LOX: variants seen among roughly 807,000 people sequenced by gnomAD.
LOX encodes the protein lysyl oxidase.
In LOX, 12 loss-of-function variants were observed where a neutral mutation model predicts 50.5. The ratio of observed to expected loss-of-function variants is 0.24; its 90% CI spans 0.15 to 0.38. The LOEUF is 0.38. Among genes scored for constraint, LOX ranks in the 10% least tolerant of loss-of-function variants. LOX has a pLI of 1.00. For synonymous variants in LOX, 254 were observed against 230.6 expected, an observed-to-expected ratio of 1.10 and a Z score of -0.92; for missense variants, 504 against 563.8, an observed-to-expected ratio of 0.89 and a Z score of 1.07.
Position 122,077,346 on chromosome 5 carries a change from G to A in LOX, c.631+9C>T, listed in dbSNP as rs781699795. The A allele has an allele frequency of 1.5e-5, 25 of 1,613,568 alleles. No individual in the cohort carries two copies. Among genetic ancestry groups the A allele is most frequent in the African/African-American group, 6.7e-5 (5 of 74,950 alleles). ...CACGGGTGCTTCCAGCGGACTTGGG[G>A]GTACTTACCGTACTGGAAGTAGCCA... On this transcript the variant is annotated intron_variant, in intron 1 of 6. Transcript: ENST00000231004. This position sits in a 1 kb window ranked among gnomAD's most constrained non-coding sequence, Gnocchi z 4.9.
At position 122,077,265 on chromosome 5, in the gene LOX, G is replaced by A; in HGVS notation, c.631+90C>T. On this transcript the variant is annotated intron_variant, in intron 1 of 6. Coordinates refer to ENST00000231004, the MANE Select transcript of LOX (RefSeq NM_002317.7). This position sits in a 1 kb window ranked among gnomAD's most constrained non-coding sequence, Gnocchi z 4.9. ...GGAGGGATCGGATCTGCGAGGACCG[G>A]GGCCCGCCGCGCCCAGGCAGCCACG... The A allele has an allele frequency of 6.4e-7, 1 of 1,568,882 alleles. No homozygotes were observed. Among genetic ancestry groups the A allele is most frequent in the Non-Finnish European group, 8.6e-7 (1 of 1,159,098 alleles).
chr5:122,077,638 G>A lies in LOX; in HGVS notation c.348C>T (p.Arg116=). 6.2e-7 allele frequency: 1 copy of A among 1,610,592 alleles called. No homozygotes were observed. The highest frequency in any genetic ancestry group is 8.5e-7 in the Non-Finnish European group (1 of 1,179,394). The part of the protein sequence containing the change: ...TAGSSGVTAG[R]PRPTARHWFQ... ...ACCAGTGACGGGCGGTGGGCCTGGGGCGGCCAGCGGTGACTCCAGATGAGC... is the reference window on the plus strand; with the variant it reads ...ACCAGTGACGGGCGGTGGGCCTGGGACGGCCAGCGGTGACTCCAGATGAGC... The change falls in exon 1 of 7, where the codon CGC becomes CGT. Residue 116 remains arginine, a synonymous_variant. Transcript: ENST00000231004. The surrounding 1 kb of genome is among the most constrained non-coding windows in gnomAD (Gnocchi z 4.9).
chr5:122,075,128 A>C (rs930358622), intron 3 of LOX, among the ~76,000 whole-genome samples: 3 of 152,260 alleles, frequency 2.0e-5, no homozygotes, highest in African/African-American at 7.2e-5. Context: ...CTTTTAAAGA[A>C]ATCCTATCTG....
At position 122,065,780 on chromosome 5, in the gene LOX, G is replaced by C. The variant is rs975156631; in HGVS notation, c.*963C>G. 38 of 152,038 alleles carry C rather than the reference G, an allele frequency of 2.5e-4. No individual in the cohort carries two copies. Among genetic ancestry groups the C allele is most frequent in the African/African-American group, 9.2e-4 (38 of 41,408 alleles). 9.4% of individuals were successfully genotyped at this position (152,038 alleles called of 1,614,324 possible). The stretch of plus-strand genomic sequence containing the variant: ...ATTTTTTTAAGCTATTTGAGAGACA[G>C]TTGTGGTTTGGGGGGGACTTGTTTG... On this transcript the variant is annotated 3_prime_UTR_variant, in exon 7 of 7. Transcript: ENST00000231004.
Position 122,066,683 on chromosome 5 carries a change from T to C in LOX, c.*60A>G. ...CATAAATCCTACTGAAGTTAGTCTATTTTTTCCCACTTCAGAACACCAGGC... is the reference window on the plus strand; with the variant it reads ...CATAAATCCTACTGAAGTTAGTCTACTTTTTCCCACTTCAGAACACCAGGC... On this transcript the variant is annotated 3_prime_UTR_variant, in exon 7 of 7. Transcript: ENST00000231004. The C allele has an allele frequency of 6.9e-7, 1 of 1,441,978 alleles. No homozygotes were observed. Among genetic ancestry groups the C allele is most frequent in the East Asian group, 2.3e-5 (1 of 43,986 alleles). 89.3% of individuals were successfully genotyped at this position (1,441,978 alleles called of 1,614,324 possible). A position where few individuals can be genotyped will look rare whatever the true frequency, so the allele number is the denominator to read the frequency against.
chr5:122,073,223 T>G (rs1182830193), intron 4 of LOX, among the ~76,000 whole-genome samples: 3 of 152,144 alleles, frequency 2.0e-5, no homozygotes, highest in Non-Finnish European at 4.4e-5. Context: ...AATGTCCTTT[T>G]ACAAATTAGG....
intron 3 of LOX, 89 bp downstream of exon 3, chr5:122,075,315 G>A: frequency 1.6e-6 from 2 of 1,231,540 alleles, no homozygotes; most frequent in South Asian, 1.8e-5. Context: ...CTCCCTTCAG[G>A]TAAGAAATAA....
At chr5:122,072,021 A>G (rs760192019) in intron 4 of LOX, among the ~76,000 whole-genome samples, 4 of 152,164 alleles carry the variant, frequency 2.6e-5, no homozygotes, top group Non-Finnish European at 5.9e-5. Flanking sequence ...TAAAATGAAG[A>G]ATTTTTGGTC....
rs1005495250 is a variant in LOX at position 122,070,667 on chromosome 5, A to T, written c.1036-78T>A. The T allele has an allele frequency of 9.8e-5, 71 of 727,712 alleles. 1 individual carries two copies. Among genetic ancestry groups the T allele is most frequent in the Non-Finnish European group, 1.4e-4 (59 of 431,176 alleles). 45.1% of individuals were successfully genotyped at this position (727,712 alleles called of 1,614,324 possible). A position where few individuals can be genotyped will look rare whatever the true frequency, so the allele number is the denominator to read the frequency against. On this transcript the variant is annotated intron_variant, in intron 4 of 6. Transcript: ENST00000231004. ...ATAAATAATATGCTATTATTTGCAA[A>T]TTAAATTTTAAGTTAGTACTTACAA...
At chr5:122,070,731 T>C (rs1464455092) in intron 4 of LOX, 142 bp from the exon 5 acceptor site, 2 of 532,296 alleles carry the variant, frequency 3.8e-6, no homozygotes, top group Non-Finnish European at 6.7e-6. Flanking sequence ...TCATCTCCCT[T>C]GAGAAGTATT....
rs1754313283 is a variant in LOX, at chr5:122,066,806, TACAACAGACAAA to T, written c.1248-69_1248-58del. 9 of 1,065,098 alleles carry T rather than the reference TACAACAGACAAA, an allele frequency of 8.4e-6. No homozygotes were observed. In the East Asian group the frequency reaches 2.1e-4, roughly 25 times the overall value. The allele number at this position is 1,065,098 out of a possible 1,614,324, so 66.0% of individuals were successfully genotyped here. ...TTAACCTGATAATATAATGAATGAG[TACAACAGACAAA>T]TTTAAAGTCAACCTTTTAAAAACTT... On this transcript the variant is annotated intron_variant, in intron 6 of 6. Coordinates refer to ENST00000231004, the MANE Select transcript of LOX (RefSeq NM_002317.7).
intron 4 of LOX, 144 bp downstream of exon 4, chr5:122,073,869 T>G (rs1210338660): frequency 1.4e-6 from 1 of 712,284 alleles, no homozygotes; most frequent in East Asian, 2.5e-5. Context: ...GTATATCATC[T>G]ACAGTTTTCT....
In LOX at chr5:122,068,166, A is replaced by G. The variant is rs1470972641; in HGVS notation, c.1248-1417T>C. On this transcript the variant is annotated intron_variant, in intron 6 of 6. Coordinates refer to ENST00000231004, the MANE Select transcript of LOX (RefSeq NM_002317.7). ...CTCTTGAAGTTTGTTACAGTCAGTA[A>G]TAACTAGTAAAAAAAAAAAAAAAAA... Among the ~76,000 whole-genome samples, 10 of 132,114 alleles carry G rather than the reference A, an allele frequency of 7.6e-5. 1 individual carries two copies. In the East Asian group the frequency reaches 2.4e-3, roughly 31 times the overall value. The allele number at this position is 132,114 out of a possible 152,430, so 86.7% of individuals were successfully genotyped here. A position where few individuals can be genotyped will look rare whatever the true frequency, so the allele number is the denominator to read the frequency against.
intron 4 of LOX, among the ~76,000 whole-genome samples, chr5:122,072,865 C>A (rs1037893804): frequency 6.6e-6 from 1 of 152,158 alleles, no homozygotes; most frequent in Non-Finnish European, 1.5e-5. Context: ...GTCCAGAGTG[C>A]CTCTTTTTGT....
intron 4 of LOX, among the ~76,000 whole-genome samples, chr5:122,072,734 A>G (rs1241957282): frequency 6.6e-6 from 1 of 152,226 alleles, no homozygotes; most frequent in African/African-American, 2.4e-5. Context: ...AAGAACATAT[A>G]TGGAAGATGA....
rs1276082609 is a variant in LOX at position 122,074,175 on chromosome 5, G to T, written c.879-6C>A. On this transcript the variant is annotated splice_polypyrimidine_tract_variant and splice_region_variant and intron_variant, in intron 3 of 6. Coordinates refer to ENST00000231004, the MANE Select transcript of LOX (RefSeq NM_002317.7). Reference sequence around the variant, plus strand: ...CATCCATACTGTGGTAATGTCTGATGTCCCACAAAACAAAAAGATGGTGGT... The same window carrying T: ...CATCCATACTGTGGTAATGTCTGATTTCCCACAAAACAAAAAGATGGTGGT... 5.0e-6 allele frequency: 8 copies of T among 1,608,896 alleles called. No individual in the cohort carries two copies. In the African/African-American group the frequency reaches 1.1e-4, roughly 21 times the overall value.
At chr5:122,068,267 A>G (rs1281221270) in intron 6 of LOX, among the ~76,000 whole-genome samples, 6 of 151,982 alleles carry the variant, frequency 3.9e-5, no homozygotes, top group African/African-American at 1.2e-4. Flanking sequence ...CAATACAACA[A>G]TTTTTATTTC....
At chr5:122,069,317 A>C (rs527694964) in intron 6 of LOX, among the ~76,000 whole-genome samples, 1 of 152,196 alleles carries the variant, frequency 6.6e-6, no homozygotes, top group South Asian at 2.1e-4. Context: ...GGAAGGCATA[A>C]CTCAAGTGGC....
rs199747432 is a variant in LOX, at chr5:122,070,185, G to C, written c.1132-17C>G. 1.5e-6 allele frequency: 2 copies of C among 1,350,432 alleles called. No individual in the cohort carries two copies. The highest frequency in any genetic ancestry group is 2.9e-5 in the African/African-American group (2 of 69,502). The allele number at this position is 1,350,432 out of a possible 1,614,324, so 83.7% of individuals were successfully genotyped here. On this transcript the variant is annotated splice_polypyrimidine_tract_variant and intron_variant, in intron 5 of 6. Coordinates refer to ENST00000231004, the MANE Select transcript of LOX (RefSeq NM_002317.7). Reference sequence around the variant, plus strand: ...TACACTGACCTGGGCAACACAAAGAGTTCCTCAGTATTTCTTTTTCCATAG... The same window carrying C: ...TACACTGACCTGGGCAACACAAAGACTTCCTCAGTATTTCTTTTTCCATAG...
Sources: gnomAD v4.1 joint callset for allele counts (sites outside exome capture counted in the v4.1 genomes callset) on GRCh38, gnomAD v4.1.1 for gene constraint, Gnocchi (gnomAD v3.1) non-coding constraint, MANE v1.5 for transcripts, NCBI Gene and HGNC (gene_info 2026-07-23, HGNC 2026-07-21) for gene names.